The following MYH7 variants were observed in gnomAD, a reference collection of about 807,000 sequenced individuals.
The protein encoded by MYH7 is myosin-7.
In MYH7, 129 loss-of-function variants were observed where a neutral mutation model predicts 225.4. That is an observed-to-expected ratio of 0.57 (90% CI 0.50 to 0.66). The LOEUF is 0.66. MYH7 is among the 30% of genes least tolerant of loss of function. MYH7 has a pLI of 0.00. For synonymous variants in MYH7, 971 were observed against 1,007.6 expected (o/e 0.96, Z 0.69); for missense variants, 1,649 against 2,517.0 (o/e 0.66, Z 7.38).
chr14:23,434,159 T>G, intron 2 of MYH7, 35 bp downstream of exon 2: 2 of 1,065,886 alleles, frequency 1.9e-6, no homozygotes, highest in South Asian at 2.9e-5. Flanking sequence ...CCAGTCTTAC[T>G]AGATTTTCAA....
In MYH7 at chr14:23,420,107, C is replaced by T. The variant is rs397516186; in HGVS notation, c.3464G>A (p.Gly1155Glu). 15 of 1,604,260 alleles carry T rather than the reference C, an allele frequency of 9.4e-6. No individual in the cohort carries two copies. The highest frequency in any genetic ancestry group is 1.2e-5 in the Non-Finnish European group (14 of 1,177,248). The change falls in exon 27 of 40, where the codon GGG (glycine) becomes GAG (glutamate). Residue 1155 changes from glycine to glutamate, a missense_variant. Gly to Glu is a moderately conservative substitution (Grantham distance 98). This residue lies in a region of MYH7 where 106 missense variants were observed against 198.8 expected (regional missense o/e 0.53). Transcript: ENST00000355349. ...CATCTCGATCTGCACGGACGTGGCCCCGCCGGCCTCTTCCAGCCGCTCGCT... is the reference window on the plus strand; with the variant it reads ...CATCTCGATCTGCACGGACGTGGCCTCGCCGGCCTCTTCCAGCCGCTCGCT... ...EISERLEEAG[G>E]ATSVQIEMNK...
chr14:23,419,706 G>A (rs954117301), intron 27 of MYH7, 97 bp from the exon 28 acceptor site: 18 of 1,611,692 alleles, frequency 1.1e-5, no homozygotes, highest in Non-Finnish European at 1.5e-5. Flanking sequence ...GAGGGAAGGT[G>A]TGAAAAGAAG....
Position 23,424,189 on chromosome 14 carries a change from A to T in MYH7, c.2680-40T>A, listed in dbSNP as rs376005163. 49 of 1,613,158 alleles carry T rather than the reference A, an allele frequency of 3.0e-5. No homozygotes were observed. The African/African-American group carries it at 6.0e-4, about 20-fold the overall frequency. ...CAGAGGGGAGGCTGTTCAGGGGGTA[A>T]GGTCCTCATTCTTGCAGGTAGAGGG... On this transcript the variant is annotated intron_variant, in intron 22 of 39. Coordinates refer to ENST00000355349, the MANE Select transcript of MYH7 (RefSeq NM_000257.4).
At chr14:23,416,734 CTACT>C in intron 33 of MYH7, 130 bp downstream of exon 33, 1 of 1,402,194 alleles carries the variant, frequency 7.1e-7, no homozygotes, top group Non-Finnish European at 9.9e-7. Flanking sequence ...CACTGAATGC[CTACT>C]ATGTGCCAGG....
intron 17 of MYH7, 127 bp from the exon 18 acceptor site, chr14:23,426,991 C>T: frequency 1.0e-6 from 1 of 957,478 alleles, no homozygotes; most frequent in Non-Finnish European, 1.6e-6. Context: ...ATGAAGGGGC[C>T]CTGGGGGCAG....
At chr14:23,414,861 A>G in intron 37 of MYH7, 134 bp downstream of exon 37, 1 of 1,478,360 alleles carries the variant, frequency 6.8e-7, no homozygotes, top group Non-Finnish European at 9.3e-7. Flanking sequence ...GGGCAGGGCT[A>G]GGCAAAGTGA....
rs2138663546 is a variant in MYH7, at chr14:23,424,020, T to C, written c.2809A>G (p.Thr937Ala). 1 of 1,614,270 alleles carries C rather than the reference T, an allele frequency of 6.2e-7. No individual in the cohort carries two copies. The highest frequency in any genetic ancestry group is 1.3e-5 in the African/African-American group (1 of 75,074). Reference protein sequence around the residue: ...EDEEEMNAELTAKKRKLEDEC... With the variant: ...EDEEEMNAELAAKKRKLEDEC... Reference sequence around the variant, plus strand: ...TCTTCCAGCTTGCGCTTCTTGGCAGTGAGCTCAGCATTCATCTCCTCCTCA... The same window carrying C: ...TCTTCCAGCTTGCGCTTCTTGGCAGCGAGCTCAGCATTCATCTCCTCCTCA... The change falls in exon 23 of 40, where the codon ACT becomes GCT. Residue 937 changes from threonine to alanine, a missense_variant. Physicochemically the swap from Thr to Ala is moderately conservative, Grantham distance 58. This residue lies in a region of MYH7 where 282 missense variants were observed against 315.3 expected (regional missense o/e 0.89). Coordinates refer to ENST00000355349, the MANE Select transcript of MYH7 (RefSeq NM_000257.4).
chr14:23,433,444 C>T lies in MYH7; in HGVS notation c.201+88G>A. 6.6e-7 allele frequency: 1 copy of T among 1,508,274 alleles called. No individual in the cohort carries two copies. The highest frequency in any genetic ancestry group is 9.2e-7 in the Non-Finnish European group (1 of 1,092,468). 93.4% of individuals were successfully genotyped at this position (1,508,274 alleles called of 1,614,324 possible). On this transcript the variant is annotated intron_variant, in intron 3 of 39. Coordinates refer to ENST00000355349, the MANE Select transcript of MYH7 (RefSeq NM_000257.4). The surrounding 1 kb of genome is among the most constrained non-coding windows in gnomAD (Gnocchi z 4.1). ...GAGAATGGGACCATCCTCAGGTCTG[C>T]ATGGGCATGGGGCATGGGTGTACCC... is the stretch of plus-strand genomic sequence containing the variant.
chr14:23,426,136 G>T (rs1489889449), intron 18 of MYH7, 55 bp from the exon 19 acceptor site: 12 of 1,589,460 alleles, frequency 7.5e-6, no homozygotes, highest in Non-Finnish European at 1.0e-5. Flanking sequence ...TGAAGTTCTG[G>T]GTTCTGATCC....
In MYH7 at chr14:23,427,871, C is replaced by T. The variant is rs1566534221; in HGVS notation, c.1602G>A (p.Leu534=). The part of the protein sequence containing the change: ...IEKPMGIMSI[L]EEECMFPKAT... ...CCTTGGGGAACATGCACTCCTCTTC[C>T]AGGATGGACATGATGCCCATGGGCT... Residue 534 remains leucine (L), a synonymous_variant, in exon 16 of 40, where the codon CTG becomes CTA. Transcript: ENST00000355349. 2.5e-6 allele frequency: 4 copies of T among 1,614,164 alleles called. No homozygotes were observed. Among genetic ancestry groups the T allele is most frequent in the Non-Finnish European group, 3.4e-6 (4 of 1,180,026 alleles).
At chr14:23,413,036 G>A (rs536703090) in intron 39 of MYH7, among the ~76,000 whole-genome samples, 165 bp from the exon 40 acceptor site, 4 of 152,286 alleles carry the variant, frequency 2.6e-5, no homozygotes, top group African/African-American at 4.8e-5. Flanking sequence ...ATCGATGTTC[G>A]GGGGGCAAGT....
In MYH7 at chr14:23,415,541, G is replaced by A. The variant is rs45609633; in HGVS notation, c.5158-35C>T. On this transcript the variant is annotated intron_variant, in intron 35 of 39. Transcript: ENST00000355349. The surrounding 1 kb of genome is among the most constrained non-coding windows in gnomAD (Gnocchi z 6.3). ...GGGAGGGTTGGGCAGAGCAGGAAAA[G>A]CATTGAGCATCTATGCATAGCTCTC... The A allele has an allele frequency of 2.5e-4, 403 of 1,613,990 alleles. No individual in the cohort carries two copies. Among genetic ancestry groups the A allele is most frequent in the Non-Finnish European group, 3.0e-4 (356 of 1,180,046 alleles).
Position 23,429,365 on chromosome 14 carries a change from G to A in MYH7, c.1139-18C>T. ...GTCAGCCTCTGGAAGGAAAAGGCAA[G>A]TAGCAAAGTTGGTAAAGAGATGACT... On this transcript the variant is annotated intron_variant, in intron 12 of 39. Transcript: ENST00000355349. The A allele has an allele frequency of 6.2e-7, 1 of 1,608,036 alleles. No individual in the cohort carries two copies. The highest frequency in any genetic ancestry group is 1.7e-4 in the Middle Eastern group (1 of 6,054).
intron 38 of MYH7, 49 bp downstream of exon 38, chr14:23,413,958 G>A (rs896043528): frequency 6.8e-6 from 11 of 1,614,114 alleles, no homozygotes; most frequent in East Asian, 6.7e-5. Flanking sequence ...CTTGGGGGAC[G>A]AGCTCTCCTA....
intron 25 of MYH7, 122 bp from the exon 26 acceptor site, chr14:23,421,170 G>T: frequency 1.3e-6 from 1 of 752,682 alleles, no homozygotes; most frequent in Non-Finnish European, 2.4e-6. Context: ...AACAGCTTCT[G>T]GGGGTGATGT....
rs961644341 is a variant in MYH7 at position 23,419,463 on chromosome 14, A to G, written c.3853+20T>C. On this transcript the variant is annotated intron_variant, in intron 28 of 39. Coordinates refer to ENST00000355349, the MANE Select transcript of MYH7 (RefSeq NM_000257.4). Reference sequence around the variant, plus strand: ...GGGGAGACTGTGGTGGGAACCATGGAGCCCCTGCTCTAGGCTCACCATTCT... The same window carrying G: ...GGGGAGACTGTGGTGGGAACCATGGGGCCCCTGCTCTAGGCTCACCATTCT... 6.2e-7 allele frequency: 1 copy of G among 1,613,412 alleles called. No homozygotes were observed. The highest frequency in any genetic ancestry group is 1.1e-5 in the South Asian group (1 of 91,032).
chr14:23,426,884 A>G lies in MYH7; in HGVS notation c.1957-20T>C. The stretch of plus-strand genomic sequence containing the variant: ...ATTTTCCTGTGGCCAAAAATGCAAT[A>G]GAGAAAAGTAAAGAAAATGCCAGAA... On this transcript the variant is annotated intron_variant, in intron 17 of 39. Coordinates refer to ENST00000355349, the MANE Select transcript of MYH7 (RefSeq NM_000257.4). 1.9e-6 allele frequency: 3 copies of G among 1,604,444 alleles called. No homozygotes were observed. Among genetic ancestry groups the G allele is most frequent in the Non-Finnish European group, 2.6e-6 (3 of 1,171,324 alleles).
At chr14:23,416,396 G>T (rs995158635) in intron 33 of MYH7, 84 bp from the exon 34 acceptor site, 2 of 1,440,832 alleles carry the variant, frequency 1.4e-6, no homozygotes, top group Non-Finnish European at 9.5e-7. Flanking sequence ...TCATGGATAC[G>T]AAGTGACTTC....
intron 37 of MYH7, 41 bp downstream of exon 37, chr14:23,414,954 T>C (rs1892121284): frequency 1.2e-6 from 2 of 1,602,022 alleles, no homozygotes; most frequent in Non-Finnish European, 1.7e-6. Context: ...TCACTGTGGC[T>C]ATGGTGCCAG....
Sources: gnomAD v4.1 joint callset for allele counts (sites outside exome capture counted in the v4.1 genomes callset) on GRCh38, gnomAD v4.1.1 for gene constraint, gnomAD v4.1.1 regional missense constraint, Gnocchi (gnomAD v3.1) non-coding constraint, MANE v1.5 for transcripts, NCBI Gene and HGNC (gene_info 2026-07-23, HGNC 2026-07-21) for gene names.